Variants in ACADVL observed in about 807,000 individuals in gnomAD.
ACADVL encodes the protein very long-chain acyl-CoA dehydrogenase, mitochondrial.
In ACADVL, 73 loss-of-function variants were observed where a neutral mutation model predicts 80.4. The observed-to-expected ratio is 0.91, with a 90% CI of 0.75 to 1.10. The LOEUF is 1.10. Among genes scored for constraint, ACADVL ranks in the 50% least tolerant of loss-of-function variants. The probability of loss-of-function intolerance (pLI) is 0.00; values close to 1 mark genes in which losing one functional copy is unlikely to be tolerated. For synonymous variants in ACADVL, 392 were observed against 326.5 expected, an observed-to-expected ratio of 1.20 and a Z score of -2.16; for missense variants, 878 against 858.9, an observed-to-expected ratio of 1.02 and a Z score of -0.28.
chr17:7,218,141 C>G (rs1301259606), upstream of ACADVL: 4 of 1,129,940 alleles, frequency 3.5e-6, no homozygotes, highest in African/African-American at 1.6e-5. Flanking sequence ...CTTTTGTCAG[C>G]AGGGCCCCCA....
At chr17:7,220,319 G>A (rs969824821) in intron 2 of ACADVL, 122 bp downstream of exon 2, 15 of 1,518,240 alleles carry the variant, frequency 9.9e-6, no homozygotes, top group South Asian at 4.7e-5. Flanking sequence ...CCGAAAGTAG[G>A]GGAAAGGGCA....
chr17:7,220,983 G>A lies in ACADVL; in HGVS notation c.402G>A (p.Gln134=), dbSNP rs2142969249. ...ALEMVEETTW[Q]GLKELGAFGL... is the part of the protein sequence containing the mutation. ...AGATGGTGGAGGAGACCACTTGGCA[G>A]GGCCTCAAGGAGCTGGGGGCCTTTG... is the stretch of plus-strand genomic sequence containing the variant. The change falls in exon 6 of 20, where the codon CAG becomes CAA. Residue 134 remains glutamine, a synonymous_variant. Coordinates refer to ENST00000356839, the MANE Select transcript of ACADVL (RefSeq NM_000018.4). 1.2e-6 allele frequency: 2 copies of A among 1,614,096 alleles called. No homozygotes were observed. Among genetic ancestry groups the A allele is most frequent in the South Asian group, 1.1e-5 (1 of 91,086 alleles).
chr17:7,222,935 T>C, intron 10 of ACADVL, 70 bp downstream of exon 10: 2 of 1,572,800 alleles, frequency 1.3e-6, no homozygotes, highest in Non-Finnish European at 8.7e-7. Context: ...CATGTGTCCC[T>C]GATCACTTGC....
chr17:7,222,481 C>G, intron 9 of ACADVL, 179 bp downstream of exon 9: 1 of 1,182,868 alleles, frequency 8.5e-7, no homozygotes, highest in South Asian at 1.5e-5. Context: ...GCAACCAAGT[C>G]CAACACAAAA....
At position 7,222,219 on chromosome 17, in the gene ACADVL, ACCAGTTACAGAT is replaced by A; in HGVS notation, c.800_811del (p.Val267_Pro270del). 6.2e-7 allele frequency: 1 copy of A among 1,614,060 alleles called. No homozygotes were observed. The highest frequency in any genetic ancestry group is 8.5e-7 in the Non-Finnish European group (1 of 1,180,020). ...ACATCTTCACGGTCTTTGCCAAGAC[ACCAGTTACAGAT>A]CCAGCCACAGGAGCCGTGAAGGAGA... On this transcript the variant is annotated inframe_deletion, in exon 9 of 20. Transcript: ENST00000356839.
intron 10 of ACADVL, 40 bp downstream of exon 10, chr17:7,222,905 A>G: frequency 6.2e-7 from 1 of 1,602,040 alleles, no homozygotes; most frequent in Non-Finnish European, 8.5e-7. Flanking sequence ...CCCAAACAGA[A>G]GTCTCACTGT....
At position 7,220,182 on chromosome 17, in the gene ACADVL, C is replaced by A; in HGVS notation, c.123C>A (p.Ala41=). The A allele has an allele frequency of 3.3e-6, 5 of 1,534,404 alleles. No homozygotes were observed. Among genetic ancestry groups the A allele is most frequent in the Non-Finnish European group, 4.4e-6 (5 of 1,146,448 alleles). ...CCGGCCCTGCCCGGCGGCCCTATGC[C>A]GGGGGTGCCGCTCAGGTAAGTCACC... ...PRPGPARRPY[A]GGAAQLALDK... Residue 41 remains alanine (A), a synonymous_variant, in exon 2 of 20, where the codon GCC becomes GCA. Transcript: ENST00000356839.
At chr17:7,223,539 C>A in intron 11 of ACADVL, 105 bp from the exon 12 acceptor site, 1 of 1,263,636 alleles carries the variant, frequency 7.9e-7, no homozygotes, top group Non-Finnish European at 1.2e-6. Context: ...TCTGCCTGAC[C>A]TGACAAGCTA....
chr17:7,223,615 C>A, intron 11 of ACADVL, 29 bp from the exon 12 acceptor site: 1 of 1,613,246 alleles, frequency 6.2e-7, no homozygotes, highest in South Asian at 1.1e-5. Context: ...TGCAATTTTC[C>A]TTCCCATGTC....
At chr17:7,217,924 G>T, upstream of ACADVL, 1 of 1,115,636 alleles carries the variant, frequency 9.0e-7, no homozygotes, top group East Asian at 2.6e-5. Flanking sequence ...TAGGGGGTCG[G>T]GTGTGAGGGA....
At position 7,224,229 on chromosome 17, in the gene ACADVL, C is replaced by G. The variant is rs868804496; in HGVS notation, c.1518C>G (p.Gly506=). 1 of 1,613,934 alleles carries G rather than the reference C, an allele frequency of 6.2e-7. No homozygotes were observed. Among genetic ancestry groups the G allele is most frequent in the Middle Eastern group, 1.6e-4 (1 of 6,062 alleles). Residue 506 remains glycine, a synonymous_variant, in exon 15 of 20, where the codon GGC becomes GGG. Coordinates refer to ENST00000356839, the MANE Select transcript of ACADVL (RefSeq NM_000018.4). ...GNAGLLLGEA[G]KQLRRRAGLG... ...CTGGCCTCCTGCTAGGAGAGGCAGG[C>G]AAACAGCTGAGGCGGTAGGCTTAGG...
In ACADVL at chr17:7,221,928, G is replaced by A. The variant is rs375239608; in HGVS notation, c.623-24G>A. The A allele has an allele frequency of 2.5e-6, 4 of 1,613,878 alleles. No individual in the cohort carries two copies. In the African/African-American group the frequency reaches 5.3e-5, roughly 22 times the overall value. On this transcript the variant is annotated intron_variant, in intron 7 of 19. Transcript: ENST00000356839. Reference sequence around the variant, plus strand: ...ACTTTGAAGCTCATCAGAACTTGGGGTAAAGTAGCTCTCTCCCCAACAGGG... The same window carrying A: ...ACTTTGAAGCTCATCAGAACTTGGGATAAAGTAGCTCTCTCCCCAACAGGG...
At chr17:7,218,884 C>T (rs1450290249), upstream of ACADVL, 1 of 1,610,356 alleles carries the variant, frequency 6.2e-7, no homozygotes, top group Admixed American at 1.7e-5. Flanking sequence ...CCCTAATCCT[C>T]CAGGATTGGA....
At chr17:7,219,701 C>T, upstream of ACADVL, 1 of 1,387,258 alleles carries the variant, frequency 7.2e-7, no homozygotes, top group South Asian at 1.5e-5. Flanking sequence ...CTCTTCTGTC[C>T]CATCCTATCC....
chr17:7,217,583 G>T (rs981997670), upstream of ACADVL: 18 of 1,379,136 alleles, frequency 1.3e-5, no homozygotes, highest in Non-Finnish European at 1.6e-5. Flanking sequence ...AAACGGCAGC[G>T]GCCGAGGGAG....
At position 7,220,540 on chromosome 17, in the gene ACADVL, C is replaced by G; in HGVS notation, c.204+11C>G. ...AAACCGGCCAAGGCGGTAGGTAGCC[C>G]CGAGGCCAGGTGGACCTTAGCCAGA... On this transcript the variant is annotated intron_variant, in intron 3 of 19. Coordinates refer to ENST00000356839, the MANE Select transcript of ACADVL (RefSeq NM_000018.4). 1 of 1,614,230 alleles carries G rather than the reference C, an allele frequency of 6.2e-7. No individual in the cohort carries two copies. The highest frequency in any genetic ancestry group is 1.7e-5 in the Admixed American group (1 of 60,028).
Position 7,225,150 on chromosome 17 carries a change from C to A in ACADVL, c.*53C>A. On this transcript the variant is annotated 3_prime_UTR_variant, in exon 20 of 20. Coordinates refer to ENST00000356839, the MANE Select transcript of ACADVL (RefSeq NM_000018.4). ...TATGTGCCTTCCCTCAAGCCAAAGC[C>A]GAAGCCCCTTTCCTTAAGGCCCTGG... 6.2e-7 allele frequency: 1 copy of A among 1,612,470 alleles called. No homozygotes were observed. The highest frequency in any genetic ancestry group is 1.1e-5 in the South Asian group (1 of 91,048).
Position 7,220,985 on chromosome 17 carries a change from G to T in ACADVL, c.404G>T (p.Gly135Val). The T allele has an allele frequency of 1.9e-6, 3 of 1,614,098 alleles. No homozygotes were observed. The highest frequency in any genetic ancestry group is 1.7e-6 in the Non-Finnish European group (2 of 1,180,030). Residue 135 changes from glycine to valine, a missense_variant, in exon 6 of 20, where the codon GGC becomes GTC. Coordinates refer to ENST00000356839, the MANE Select transcript of ACADVL (RefSeq NM_000018.4). ...LEMVEETTWQ[G>V]LKELGAFGLQ... ...ATGGTGGAGGAGACCACTTGGCAGG[G>T]CCTCAAGGAGCTGGGGGCCTTTGGT...
intron 9 of ACADVL, 173 bp downstream of exon 9, chr17:7,222,475 C>T: frequency 1.7e-6 from 2 of 1,194,534 alleles, no homozygotes; most frequent in Non-Finnish European, 2.3e-6. Flanking sequence ...GCTCCAGCAA[C>T]CAAGTCCAAC....
Sources: gnomAD v4.1 joint callset for allele counts on GRCh38, gnomAD v4.1.1 for gene constraint, MANE v1.5 for transcripts, NCBI Gene and HGNC (gene_info 2026-07-23, HGNC 2026-07-21) for gene names.